The following SPOCK3 variants were observed in gnomAD, a reference collection of about 807,000 sequenced individuals.
SPOCK3 encodes testican-3.
SPOCK3 carries 30 observed loss-of-function variants against 56.6 expected under a neutral mutation model. That is an observed-to-expected ratio of 0.53 (90% CI 0.40 to 0.72). The LOEUF is 0.72. Among genes scored for constraint, SPOCK3 ranks in the 30% least tolerant of loss-of-function variants. The pLI is 0.00. For synonymous variants in SPOCK3, 196 were observed against 183.3 expected (o/e 1.07, Z -0.56); for missense variants, 527 against 530.0 (o/e 0.99, Z 0.06).
rs1346601713 is a variant in SPOCK3, at chr4:167,194,130, T to C, written c.189+39855A>G. On this transcript the variant is annotated intron_variant, in intron 2 of 10. Coordinates refer to ENST00000357545, the MANE Select transcript of SPOCK3 (RefSeq NM_001040159.2). ...CAGTTGGTTCCTTTGTTTGTCTCACTTTAAACACCCTGTTTTTGAGTTCAC... is the reference window on the plus strand; with the variant it reads ...CAGTTGGTTCCTTTGTTTGTCTCACCTTAAACACCCTGTTTTTGAGTTCAC... Among the ~76,000 whole-genome samples, 2 of 124,128 alleles carry C rather than the reference T, an allele frequency of 1.6e-5. 1 individual carries two copies. The highest frequency in any genetic ancestry group is 6.7e-5 in the African/African-American group (2 of 29,732). 81.4% of individuals were successfully genotyped at this position (124,128 alleles called of 152,430 possible).
At chr4:167,136,118 G>A (rs1294886621) in intron 2 of SPOCK3, among the ~76,000 whole-genome samples, 1 of 151,954 alleles carries the variant, frequency 6.6e-6, no homozygotes, top group African/African-American at 2.4e-5. Flanking sequence ...GAATCTTGTT[G>A]AAAATGCAAA....
intron 4 of SPOCK3, among the ~76,000 whole-genome samples, chr4:166,946,750 T>C (rs1741806539): frequency 6.6e-6 from 1 of 152,232 alleles, no homozygotes; most frequent in Non-Finnish European, 1.5e-5. Flanking sequence ...TTAGTGCTTT[T>C]AGTTTTTCTC....
At chr4:166,993,293 A>T (rs1183463396) in intron 4 of SPOCK3, among the ~76,000 whole-genome samples, 3 of 152,138 alleles carry the variant, frequency 2.0e-5, no homozygotes, top group African/African-American at 4.8e-5. Context: ...ACTCAAAAAA[A>T]ATTGACATCC....
chr4:166,899,498 TTC>T (rs1196724082), intron 5 of SPOCK3, among the ~76,000 whole-genome samples: 1 of 98,348 alleles, frequency 1.0e-5, no homozygotes, highest in Non-Finnish European at 2.2e-5. Flanking sequence ...TTCAGTGTAT[TTC>T]TTTCTTTCTT....
At chr4:166,818,526 T>C (rs972831007) in intron 6 of SPOCK3, among the ~76,000 whole-genome samples, 5 of 152,046 alleles carry the variant, frequency 3.3e-5, no homozygotes, top group African/African-American at 9.7e-5. Context: ...TGTAATTTTA[T>C]TTGGATCACA....
chr4:166,829,914 T>G (rs58200612), intron 6 of SPOCK3, among the ~76,000 whole-genome samples: 31,078 of 152,014 alleles, frequency 0.2, 4,284 homozygotes, highest in East Asian at 0.67. Flanking sequence ...TCCTTGACAC[T>G]GTGGTGGAAT....
chr4:166,870,466 A>AAT (rs2126942890), intron 6 of SPOCK3, among the ~76,000 whole-genome samples: 1 of 152,136 alleles, frequency 6.6e-6, no homozygotes, highest in East Asian at 1.9e-4. Context: ...GCCATAAAAC[A>AAT]CACAATAAAA....
chr4:166,904,271 G>T (rs1271707881), intron 5 of SPOCK3, among the ~76,000 whole-genome samples: 1 of 151,956 alleles, frequency 6.6e-6, no homozygotes, highest in African/African-American at 2.4e-5. Context: ...TTATAGCATT[G>T]TTAAAATTAA....
chr4:166,966,892 T>C (rs963562259), intron 4 of SPOCK3, among the ~76,000 whole-genome samples: 1 of 152,138 alleles, frequency 6.6e-6, no homozygotes, highest in Non-Finnish European at 1.5e-5. Flanking sequence ...CAAAGACTGA[T>C]TCATTTAGAG....
chr4:167,098,117 C>T (rs1029559002), intron 2 of SPOCK3, among the ~76,000 whole-genome samples: 22 of 151,892 alleles, frequency 1.4e-4, no homozygotes. Context: ...TTATCCCAGA[C>T]CTGTGACGCA....
intron 6 of SPOCK3, among the ~76,000 whole-genome samples, chr4:166,875,485 G>A (rs572943274): frequency 5.3e-5 from 8 of 151,922 alleles, no homozygotes; most frequent in Non-Finnish European, 1.0e-4. Flanking sequence ...TATTTTATCC[G>A]GTATTAAATT....
At chr4:167,108,979 TATAAA>T (rs1760454790) in intron 2 of SPOCK3, among the ~76,000 whole-genome samples, 3 of 37,270 alleles carry the variant, frequency 8.0e-5, no homozygotes, top group African/African-American at 1.4e-4. Flanking sequence ...ATATAAATAT[TATAAA>T]TATATATTTA....
At chr4:167,071,055 G>C (rs1205158336) in intron 2 of SPOCK3, among the ~76,000 whole-genome samples, 2 of 151,846 alleles carry the variant, frequency 1.3e-5, no homozygotes, top group Non-Finnish European at 2.9e-5. Context: ...AGTGTCAAAA[G>C]GACAGTGCCA....
At chr4:167,145,302 T>C (rs1282365652) in intron 2 of SPOCK3, among the ~76,000 whole-genome samples, 2 of 152,110 alleles carry the variant, frequency 1.3e-5, no homozygotes, top group African/African-American at 4.8e-5. Flanking sequence ...GCTTTGGACA[T>C]ATGAACTTGA....
intron 4 of SPOCK3, among the ~76,000 whole-genome samples, chr4:166,935,051 C>A (rs538847695): frequency 1.3e-4 from 20 of 152,194 alleles, no homozygotes; most frequent in Admixed American, 1.2e-3. Context: ...GGCAGCATAA[C>A]CTCAGATAAG....
chr4:167,059,220 C>A (rs1455281732), intron 3 of SPOCK3, among the ~76,000 whole-genome samples: 1 of 152,048 alleles, frequency 6.6e-6, no homozygotes, highest in Non-Finnish European at 1.5e-5. Context: ...AGGCAACCTA[C>A]AAAATGGGAG....
intron 4 of SPOCK3, among the ~76,000 whole-genome samples, chr4:166,956,740 C>A (rs527707999): frequency 1.3e-5 from 2 of 152,098 alleles, no homozygotes; most frequent in East Asian, 3.9e-4. Context: ...CCTCTCATAC[C>A]CAACGCCCTC....
rs529482288 is a variant in SPOCK3, at chr4:167,086,624, T to TGTGAAAA, written c.190-24088_190-24087insTTTTCAC. Among the ~76,000 whole-genome samples, 24 of 152,258 alleles carry TGTGAAAA rather than the reference T, an allele frequency of 1.6e-4. No individual in the cohort carries two copies. In the South Asian group the frequency reaches 4.1e-3, roughly 26 times the overall value. On this transcript the variant is annotated intron_variant, in intron 2 of 10. Transcript: ENST00000357545. ...AATGTTTATTTCACAGCATTTTTGC[T>TGTGAAAA]ACAATCAACACTTTTATTCTTCCAA...
intron 2 of SPOCK3, among the ~76,000 whole-genome samples, chr4:167,230,500 C>CAAAA (rs35421281): frequency 3.5e-5 from 3 of 85,866 alleles, no homozygotes; most frequent in African/African-American, 8.1e-5. Flanking sequence ...AGCCCCCCAC[C>CAAAA]AAAAAAAAAA....
Sources: gnomAD v4.1 joint callset for allele counts (sites outside exome capture counted in the v4.1 genomes callset) on GRCh38, gnomAD v4.1.1 for gene constraint, MANE v1.5 for transcripts, NCBI Gene and HGNC (gene_info 2026-07-23, HGNC 2026-07-21) for gene names.